Variants in PRKCA observed in about 807,000 individuals in gnomAD.
PRKCA encodes protein kinase C alpha, also known as protein kinase C alpha type.
Under a neutral mutation model 87.0 loss-of-function variants are expected in PRKCA, and 27 were observed. The observed-to-expected ratio is 0.31, with a 90% CI of 0.23 to 0.43. PRKCA has a LOEUF of 0.43. Among genes scored for constraint, PRKCA ranks in the 20% least tolerant of loss-of-function variants. PRKCA has a pLI of 1.00. For synonymous variants in PRKCA, 329 were observed against 311.1 expected, an observed-to-expected ratio of 1.06 and a Z score of -0.61; for missense variants, 518 against 852.3, an observed-to-expected ratio of 0.61 and a Z score of 4.88.
At chr17:66,375,693 T>C (rs1415571839) in intron 2 of PRKCA, among the ~76,000 whole-genome samples, 1 of 152,188 alleles carries the variant, frequency 6.6e-6, no homozygotes, top group Non-Finnish European at 1.5e-5. Flanking sequence ...GCTTTAGGCT[T>C]GTTTTACACT....
chr17:66,394,449 G>T (rs907113170), intron 2 of PRKCA, among the ~76,000 whole-genome samples: 7 of 152,184 alleles, frequency 4.6e-5, no homozygotes, highest in Non-Finnish European at 7.3e-5. Context: ...TGGCAGTGTG[G>T]TTATTTATGT....
chr17:66,804,003 A>G lies in PRKCA; in HGVS notation c.1985A>G (p.Gln662Arg), dbSNP rs745380001. Residue 662 changes from glutamine (Q) to arginine (R), a missense_variant, in exon 17 of 17, where the codon CAG becomes CGG. Transcript: ENST00000413366. ...GAAGGGTTCTCGTATGTCAACCCCCAGTTTGTGCACCCCATCTTACAGAGT... is the reference window on the plus strand; with the variant it reads ...GAAGGGTTCTCGTATGTCAACCCCCGGTTTGTGCACCCCATCTTACAGAGT... ...DFEGFSYVNP[Q>R]FVHPILQSAV 1.2e-6 allele frequency: 2 copies of G among 1,613,774 alleles called. No homozygotes were observed. Among genetic ancestry groups the G allele is most frequent in the Non-Finnish European group, 1.7e-6 (2 of 1,179,838 alleles).
At chr17:66,345,242 C>G (rs1249728992) in intron 2 of PRKCA, among the ~76,000 whole-genome samples, 5 of 152,124 alleles carry the variant, frequency 3.3e-5, no homozygotes, top group Non-Finnish European at 7.3e-5. Flanking sequence ...ACCATTACTT[C>G]CTACACCAGT....
chr17:66,731,948 C>T (rs1362695655), intron 8 of PRKCA, among the ~76,000 whole-genome samples: 1 of 151,304 alleles, frequency 6.6e-6, no homozygotes, highest in Non-Finnish European at 1.5e-5. Context: ...CACCACCATG[C>T]CCAGCTGATT....
chr17:66,722,304 CT>C lies in PRKCA; in HGVS notation c.919-10383del, dbSNP rs534094324. 3.4e-3 allele frequency among the ~76,000 whole-genome samples: 518 copies of C among 152,260 alleles called. 1 individual carries two copies. The highest frequency in any genetic ancestry group is 0.012 in the African/African-American group (480 of 41,546). ...AGCTTAGCAGCTGCAAACTTTTAAC[CT>C]ATTAGAAAATGAACGTCTCCAGCCA... On this transcript the variant is annotated intron_variant, in intron 8 of 16. Coordinates refer to ENST00000413366, the MANE Select transcript of PRKCA (RefSeq NM_002737.3).
intron 2 of PRKCA, among the ~76,000 whole-genome samples, chr17:66,435,478 C>T (rs1397106415): frequency 6.6e-6 from 1 of 152,148 alleles, no homozygotes; most frequent in African/African-American, 2.4e-5. Flanking sequence ...GAGACGCACT[C>T]ACGGAATCAC....
At chr17:66,759,238 C>G (rs1568017376) in intron 13 of PRKCA, among the ~76,000 whole-genome samples, 1 of 151,912 alleles carries the variant, frequency 6.6e-6, no homozygotes, top group African/African-American at 2.4e-5. Context: ...CACCTGTAGT[C>G]CCAGGTACTC....
At chr17:66,748,230 C>A (rs896727459) in intron 13 of PRKCA, among the ~76,000 whole-genome samples, 1 of 152,186 alleles carries the variant, frequency 6.6e-6, no homozygotes, top group African/African-American at 2.4e-5. Flanking sequence ...TTCTGCGTTC[C>A]CGCCCTACAG....
At chr17:66,603,558 C>T (rs1348402472) in intron 3 of PRKCA, among the ~76,000 whole-genome samples, 1 of 152,056 alleles carries the variant, frequency 6.6e-6, no homozygotes, top group Non-Finnish European at 1.5e-5. Context: ...GGTGAAGGTC[C>T]CTTCTATGCC....
At chr17:66,510,543 A>G (rs1917178501) in intron 3 of PRKCA, among the ~76,000 whole-genome samples, 1 of 152,166 alleles carries the variant, frequency 6.6e-6, no homozygotes, top group Non-Finnish European at 1.5e-5. Flanking sequence ...TTCAAAAGGG[A>G]GAAATGGAGA....
intron 4 of PRKCA, among the ~76,000 whole-genome samples, chr17:66,642,034 G>A (rs993797660): frequency 2.0e-5 from 3 of 152,098 alleles, no homozygotes; most frequent in Non-Finnish European, 2.9e-5. Flanking sequence ...CCACTGACAA[G>A]CAAGACACCA....
intron 2 of PRKCA, among the ~76,000 whole-genome samples, chr17:66,466,209 CT>C (rs1915081063): frequency 6.6e-6 from 1 of 152,152 alleles, no homozygotes; most frequent in Non-Finnish European, 1.5e-5. Flanking sequence ...ACGCCTGTAC[CT>C]TTTTTCTGTA....
At chr17:66,408,909 G>A (rs750361282) in intron 2 of PRKCA, among the ~76,000 whole-genome samples, 13 of 151,250 alleles carry the variant, frequency 8.6e-5, no homozygotes, top group Non-Finnish European at 1.3e-4. Context: ...AAAATTAGCC[G>A]GGCGTGGTGG....
In PRKCA at chr17:66,541,617, C is replaced by T. The variant is rs9890833; in HGVS notation, c.288+45334C>T. ...AATTGCACGTGCAAAGCAGAGCTGA[C>T]GTCCAGTCCACGCCTCATGGCACTT... is the stretch of plus-strand genomic sequence containing the variant. On this transcript the variant is annotated intron_variant, in intron 3 of 16. Transcript: ENST00000413366. Among the ~76,000 whole-genome samples, 413 of 152,346 alleles carry T rather than the reference C, an allele frequency of 2.7e-3. 1 individual carries two copies. The highest frequency in any genetic ancestry group is 9.4e-3 in the African/African-American group (391 of 41,570).
At chr17:66,488,488 C>T (rs186572398) in intron 2 of PRKCA, among the ~76,000 whole-genome samples, 3 of 152,284 alleles carry the variant, frequency 2.0e-5, no homozygotes, top group Admixed American at 2.0e-4. Flanking sequence ...TACTCAGTTG[C>T]TCTGGCCGGG....
At chr17:66,705,017 G>A (rs994362146) in intron 8 of PRKCA, among the ~76,000 whole-genome samples, 3 of 152,136 alleles carry the variant, frequency 2.0e-5, no homozygotes, top group African/African-American at 7.2e-5. Flanking sequence ...TTGTTGATCT[G>A]ATCAGCCCTG....
chr17:66,585,679 G>A (rs368494784), intron 3 of PRKCA, among the ~76,000 whole-genome samples: 18 of 152,210 alleles, frequency 1.2e-4, no homozygotes, highest in African/African-American at 3.9e-4. Flanking sequence ...GGAGTGGGGA[G>A]CCGCGGAGCA....
Position 66,803,739 on chromosome 17 carries a change from T to C in PRKCA, c.1855-134T>C. Reference sequence around the variant, plus strand: ...CTTTTCAATCCAATAGGCCTGCAAGTCCTCCGAGATTCCTCCTCCTAACCA... The same window carrying C: ...CTTTTCAATCCAATAGGCCTGCAAGCCCTCCGAGATTCCTCCTCCTAACCA... On this transcript the variant is annotated intron_variant, in intron 16 of 16. Coordinates refer to ENST00000413366, the MANE Select transcript of PRKCA (RefSeq NM_002737.3). The surrounding 1 kb of genome is among the most constrained non-coding windows in gnomAD (Gnocchi z 4.4). The C allele has an allele frequency of 8.2e-7, 1 of 1,225,036 alleles. No individual in the cohort carries two copies. The highest frequency in any genetic ancestry group is 1.1e-6 in the Non-Finnish European group (1 of 895,024). 75.9% of individuals were successfully genotyped at this position (1,225,036 alleles called of 1,614,324 possible).
At chr17:66,796,981 G>A in intron 16 of PRKCA, 1 of 984,854 alleles carries the variant, frequency 1.0e-6, no homozygotes, top group Non-Finnish European at 1.2e-6. Flanking sequence ...TCTTCTTCTG[G>A]GTTTTGTTTG....
Sources: allele counts gnomAD v4.1 joint callset (sites outside exome capture counted in the v4.1 genomes callset), GRCh38; gene constraint gnomAD v4.1.1; non-coding constraint Gnocchi (gnomAD v3.1); transcripts MANE v1.5; gene names NCBI Gene and HGNC (gene_info 2026-07-23, HGNC 2026-07-21).